MEF2A: variants seen among roughly 807,000 people sequenced by gnomAD.
MEF2A encodes the protein myocyte enhancer factor 2A.
In MEF2A, 28 loss-of-function variants were observed where a neutral mutation model predicts 55.8. The ratio of observed to expected loss-of-function variants is 0.50; its 90% CI spans 0.37 to 0.69. The LOEUF (loss-of-function observed/expected upper bound fraction) is 0.69, where lower values mean the gene tolerates loss of function less well. Ranked by LOEUF, MEF2A falls within the 30% of genes least tolerant of loss-of-function variation. The pLI is 0.00. For synonymous variants in MEF2A, 239 were observed against 227.1 expected, an observed-to-expected ratio of 1.05 and a Z score of -0.47; for missense variants, 528 against 626.2, an observed-to-expected ratio of 0.84 and a Z score of 1.67.
chr15:99,687,836 T>TG, intron 7 of MEF2A, among the ~76,000 whole-genome samples: 1 of 152,364 alleles, frequency 6.6e-6, no homozygotes, highest in Non-Finnish European at 1.5e-5. Context: ...AGGCTTTTTA[T>TG]GGTTTCTCTA....
At chr15:99,607,520 T>C (rs1975583922) in intron 2 of MEF2A, among the ~76,000 whole-genome samples, 1 of 152,204 alleles carries the variant, frequency 6.6e-6, no homozygotes, top group Admixed American at 6.5e-5. Context: ...GAACCGAGAT[T>C]ATTTCTAGTA....
At chr15:99,624,788 A>G (rs1370341495) in intron 2 of MEF2A, among the ~76,000 whole-genome samples, 1 of 152,204 alleles carries the variant, frequency 6.6e-6, no homozygotes, top group Non-Finnish European at 1.5e-5. Context: ...CATGATCTTG[A>G]ATCTATTAAT....
chr15:99,678,578 C>T, intron 7 of MEF2A: 1 of 793,490 alleles, frequency 1.3e-6, no homozygotes, highest in Middle Eastern at 6.3e-4. Context: ...GCGAGTCTTC[C>T]ATTTGCCTTG....
At chr15:99,597,227 T>C (rs560855984) in intron 1 of MEF2A, among the ~76,000 whole-genome samples, 2 of 152,274 alleles carry the variant, frequency 1.3e-5, no homozygotes, top group Non-Finnish European at 2.9e-5. Context: ...CTGAATTCTT[T>C]TTCTCAGCAT....
intron 4 of MEF2A, among the ~76,000 whole-genome samples, chr15:99,669,553 C>G (rs2153617878): frequency 6.6e-6 from 1 of 152,300 alleles, no homozygotes; most frequent in Admixed American, 6.5e-5. Flanking sequence ...ATTACTTAGG[C>G]TCATAGAGCC....
At chr15:99,674,165 T>A (rs1384116844) in intron 5 of MEF2A, among the ~76,000 whole-genome samples, 1 of 152,162 alleles carries the variant, frequency 6.6e-6, no homozygotes, top group African/African-American at 2.4e-5. Context: ...AATATAGACA[T>A]TAGTATATAT....
rs918206401 is a variant in MEF2A at position 99,643,676 on chromosome 15, C to G, written c.55-1885C>G. Among the ~76,000 whole-genome samples the G allele has an allele frequency of 2.6e-5, 4 of 151,298 alleles. No individual in the cohort carries two copies. In the South Asian group the frequency reaches 8.3e-4, roughly 31 times the overall value. On this transcript the variant is annotated intron_variant, in intron 3 of 11. Transcript: ENST00000557942. The stretch of plus-strand genomic sequence containing the variant: ...GTGCGATCTCGGCTCACTGCAAGCT[C>G]TGCCTCCAGTGTTCATGCCATTCTC...
intron 11 of MEF2A, 26 bp downstream of exon 11, chr15:99,710,786 A>C (rs1242765895): frequency 1.3e-6 from 2 of 1,588,406 alleles, no homozygotes; most frequent in South Asian, 2.2e-5. Flanking sequence ...TTTTCCCTGC[A>C]TCTTTACTCC....
intron 7 of MEF2A, among the ~76,000 whole-genome samples, chr15:99,688,027 C>T (rs2054634069): frequency 6.6e-6 from 1 of 152,328 alleles, no homozygotes; most frequent in East Asian, 1.9e-4. Context: ...TCAGGAACCT[C>T]TGGTTCACTA....
chr15:99,683,936 C>G (rs2053732703), intron 7 of MEF2A, among the ~76,000 whole-genome samples: 1 of 152,104 alleles, frequency 6.6e-6, no homozygotes, highest in Non-Finnish European at 1.5e-5. Flanking sequence ...TTAGCTCCCA[C>G]TTATAAGTGA....
At chr15:99,591,999 C>G (rs1969459161) in intron 1 of MEF2A, among the ~76,000 whole-genome samples, 1 of 152,116 alleles carries the variant, frequency 6.6e-6, no homozygotes, top group Non-Finnish European at 1.5e-5. Flanking sequence ...CATTTTCTTA[C>G]ATTTAGTAAG....
At chr15:99,633,205 A>C in intron 3 of MEF2A, 32 bp downstream of exon 3, 1 of 1,426,618 alleles carries the variant, frequency 7.0e-7, no homozygotes, top group South Asian at 1.4e-5. Context: ...TTTAATTGAT[A>C]TGAATATTCT....
At chr15:99,651,097 A>G (rs909836801) in intron 4 of MEF2A, among the ~76,000 whole-genome samples, 1 of 152,204 alleles carries the variant, frequency 6.6e-6, no homozygotes, top group Non-Finnish European at 1.5e-5. Context: ...ACTATGCAGT[A>G]TTTGTGTGAA....
chr15:99,637,040 G>T (rs932601158), intron 3 of MEF2A, among the ~76,000 whole-genome samples: 2 of 151,210 alleles, frequency 1.3e-5, no homozygotes, highest in African/African-American at 2.4e-5. Flanking sequence ...TGTTCCATTT[G>T]ATTATTTGTA....
At chr15:99,704,519 T>C (rs1163937185) in intron 9 of MEF2A, among the ~76,000 whole-genome samples, 1 of 152,242 alleles carries the variant, frequency 6.6e-6, no homozygotes. Flanking sequence ...TTCAAGGAGT[T>C]GTGAATGCGT....
chr15:99,677,047 G>C (rs920838474), intron 7 of MEF2A, among the ~76,000 whole-genome samples: 2 of 151,990 alleles, frequency 1.3e-5, no homozygotes, highest in African/African-American at 2.4e-5. Flanking sequence ...CTTGATCCCA[G>C]GAGGCGGAGG....
intron 4 of MEF2A, among the ~76,000 whole-genome samples, chr15:99,661,628 T>G (rs1418461274): frequency 6.6e-6 from 1 of 152,114 alleles, no homozygotes; most frequent in East Asian, 1.9e-4. Flanking sequence ...CCTATAGATA[T>G]GAAATGTGCT....
At chr15:99,640,839 C>G (rs142213318) in intron 3 of MEF2A, among the ~76,000 whole-genome samples, 3 of 152,074 alleles carry the variant, frequency 2.0e-5, no homozygotes, top group African/African-American at 7.2e-5. Context: ...TGAGCCACGG[C>G]GCCCAGCCAG....
intron 6 of MEF2A, among the ~76,000 whole-genome samples, 185 bp downstream of exon 6, chr15:99,674,797 T>C (rs1329106960): frequency 6.6e-6 from 1 of 152,206 alleles, no homozygotes; most frequent in Non-Finnish European, 1.5e-5. Flanking sequence ...CATTGTGTCA[T>C]GCAAAGTAGA....
Sources: allele counts gnomAD v4.1 joint callset (sites outside exome capture counted in the v4.1 genomes callset), GRCh38; gene constraint gnomAD v4.1.1; transcripts MANE v1.5; gene names NCBI Gene and HGNC (gene_info 2026-07-23, HGNC 2026-07-21).